Variants in CLIP2 observed in about 807,000 individuals in gnomAD.
CLIP2 encodes CAP-Gly domain containing linker protein 2.
CLIP2 carries 41 observed loss-of-function variants against 111.7 expected under a neutral mutation model. That is an observed-to-expected ratio of 0.37 (90% CI 0.29 to 0.48). CLIP2 has a LOEUF of 0.48. CLIP2 is among the 20% of genes least tolerant of loss of function. The probability of loss-of-function intolerance (pLI) is 0.99; values close to 1 mark genes in which losing one functional copy is unlikely to be tolerated. For missense variants in CLIP2, 1,160 were observed against 1,422.1 expected, an observed-to-expected ratio of 0.82 and a Z score of 2.96; for synonymous variants, 660 against 644.2, an observed-to-expected ratio of 1.02 and a Z score of -0.37.
chr7:74,329,845 T>C (rs927668568), intron 2 of CLIP2, among the ~76,000 whole-genome samples: 16 of 152,116 alleles, frequency 1.1e-4, no homozygotes, highest in African/African-American at 3.4e-4. Context: ...AATGGCACGA[T>C]CTCAGCTCAC....
At chr7:74,312,537 T>C (rs1331050604) in intron 1 of CLIP2, among the ~76,000 whole-genome samples, 2 of 152,180 alleles carry the variant, frequency 1.3e-5, no homozygotes, top group African/African-American at 4.8e-5. Flanking sequence ...TTTGCTGGCA[T>C]TGGAAATGCT....
chr7:74,336,039 G>T (rs1789444805), intron 2 of CLIP2, among the ~76,000 whole-genome samples: 1 of 150,950 alleles, frequency 6.6e-6, no homozygotes, highest in Non-Finnish European at 1.5e-5. Context: ...ACTGCGCCTG[G>T]CCTCTCTTCT....
At chr7:74,349,135 A>C (rs566304604) in intron 3 of CLIP2, among the ~76,000 whole-genome samples, 2 of 151,766 alleles carry the variant, frequency 1.3e-5, no homozygotes, top group African/African-American at 2.4e-5. Context: ...TTTGGCCACA[A>C]AACGAATGAA....
At chr7:74,337,327 T>A (rs782131312) in intron 2 of CLIP2, among the ~76,000 whole-genome samples, 3 of 152,066 alleles carry the variant, frequency 2.0e-5, no homozygotes, top group Non-Finnish European at 4.4e-5. Context: ...GGGACATCTT[T>A]ATGCAAGAAG....
At position 74,376,324 on chromosome 7, in the gene CLIP2, C is replaced by T. The variant is rs1554312827; in HGVS notation, c.1923C>T (p.Ala641=). ...LKATLNSGPG[A]QQKEIGELKA... ...CCACCCTGAACTCGGGCCCAGGCGCCCAGCAGAAGGAGATCGGCGAGCTGA... is the reference window on the plus strand; with the variant it reads ...CCACCCTGAACTCGGGCCCAGGCGCTCAGCAGAAGGAGATCGGCGAGCTGA... The change falls in exon 10 of 17, where the codon GCC becomes GCT. Residue 641 remains alanine, a synonymous_variant. Coordinates refer to ENST00000223398, the MANE Select transcript of CLIP2 (RefSeq NM_003388.5). The surrounding 1 kb of genome is among the most constrained non-coding windows in gnomAD (Gnocchi z 7.1). 1 of 1,613,722 alleles carries T rather than the reference C, an allele frequency of 6.2e-7. No homozygotes were observed.
chr7:74,319,467 C>G (rs1195844968), intron 2 of CLIP2, among the ~76,000 whole-genome samples: 1 of 152,036 alleles, frequency 6.6e-6, no homozygotes, highest in Non-Finnish European at 1.5e-5. Context: ...GAGCTCATGC[C>G]ACTGTACTCC....
intron 3 of CLIP2, among the ~76,000 whole-genome samples, chr7:74,343,433 CAGCAGGGA>C (rs1789716001): frequency 6.6e-6 from 1 of 152,086 alleles, no homozygotes; most frequent in African/African-American, 2.4e-5. Flanking sequence ...GGGGTGGGTA[CAGCAGGGA>C]AATCAGGCCC....
intron 1 of CLIP2, among the ~76,000 whole-genome samples, chr7:74,293,487 G>A (rs1292916428): frequency 1.3e-5 from 2 of 152,174 alleles, no homozygotes; most frequent in Non-Finnish European, 2.9e-5. Context: ...ATCTTGGGGT[G>A]CAGAGAGACA....
chr7:74,384,779 C>T (rs1240446262), intron 11 of CLIP2, among the ~76,000 whole-genome samples: 1 of 151,456 alleles, frequency 6.6e-6, no homozygotes, highest in Non-Finnish European at 1.5e-5. Context: ...TTTTGAGGAA[C>T]TGCCAAACTC....
chr7:74,340,172 A>G (rs1477590114), intron 3 of CLIP2, among the ~76,000 whole-genome samples: 1 of 152,086 alleles, frequency 6.6e-6, no homozygotes, highest in African/African-American at 2.4e-5. Context: ...AAGTCGGGCA[A>G]ATCATCTGAG....
intron 8 of CLIP2, among the ~76,000 whole-genome samples, chr7:74,366,836 A>C (rs1207065515): frequency 1.4e-5 from 2 of 142,074 alleles, no homozygotes; most frequent in Non-Finnish European, 3.0e-5. Context: ...CGATTGCGCC[A>C]CTGCGCTTCA....
intron 1 of CLIP2, among the ~76,000 whole-genome samples, chr7:74,289,962 G>T (rs1268682433): frequency 2.6e-5 from 4 of 152,188 alleles, no homozygotes; most frequent in African/African-American, 9.6e-5. Context: ...GCACTGCTTG[G>T]GGTGCCAGGG....
At chr7:74,345,872 A>G (rs1415999696) in intron 3 of CLIP2, among the ~76,000 whole-genome samples, 5 of 152,156 alleles carry the variant, frequency 3.3e-5, no homozygotes, top group Non-Finnish European at 4.4e-5. Flanking sequence ...GAGAGAGAGA[A>G]AGAGGAAGAA....
At chr7:74,341,529 C>T (rs1256939365) in intron 3 of CLIP2, among the ~76,000 whole-genome samples, 2 of 151,974 alleles carry the variant, frequency 1.3e-5, no homozygotes, top group Non-Finnish European at 2.9e-5. Flanking sequence ...AGTGCCTGCC[C>T]ACTGTTCACT....
At chr7:74,300,795 T>G (rs1788315748) in intron 1 of CLIP2, among the ~76,000 whole-genome samples, 1 of 152,192 alleles carries the variant, frequency 6.6e-6, no homozygotes, top group Non-Finnish European at 1.5e-5. Context: ...CATTCCGTGG[T>G]AGACATATAC....
At position 74,400,410 on chromosome 7, in the gene CLIP2, T is replaced by C. The variant is rs782588595; in HGVS notation, c.2921T>C (p.Leu974Pro). ...KSLSDQRRYS[L>P]IDRSSAPELL... ...CTGTCGGATCAGAGGCGCTACTCCC[T>C]CATCGACCGGTCCTCGGCGCCCGAG... The change falls in exon 15 of 17, where the codon CTC becomes CCC. Residue 974 changes from leucine (L) to proline (P), a missense_variant. Leu to Pro is a moderately conservative substitution (Grantham distance 98). This residue lies in a region of CLIP2 where 676 missense variants were observed against 777.8 expected (regional missense o/e 0.87). Transcript: ENST00000223398. The C allele has an allele frequency of 5.6e-6, 9 of 1,613,654 alleles. No individual in the cohort carries two copies. Among genetic ancestry groups the C allele is most frequent in the Non-Finnish European group, 7.6e-6 (9 of 1,179,748 alleles).
At chr7:74,305,855 A>ACCCCCCCCCCCCCCCCCCCCCCCCCCCCC (rs1478628381) in intron 1 of CLIP2, among the ~76,000 whole-genome samples, 2 of 52,302 alleles carry the variant, frequency 3.8e-5, no homozygotes, top group Admixed American at 2.1e-4. Context: ...CTGCACCCCA[A>ACCCCCCCCCCCCCCCCCCCCCCCCCCCCC]CCCCCCCCCA....
intron 3 of CLIP2, among the ~76,000 whole-genome samples, chr7:74,353,232 T>C (rs537234612): frequency 1.1e-4 from 17 of 151,372 alleles, no homozygotes; most frequent in African/African-American, 3.9e-4. Context: ...GTATATACAG[T>C]ACTTAATTCT....
chr7:74,357,152 A>G, intron 5 of CLIP2, 128 bp from the exon 6 acceptor site: 1 of 722,030 alleles, frequency 1.4e-6, no homozygotes, highest in Non-Finnish European at 2.4e-6. Flanking sequence ...GGGGAAGAGC[A>G]GGACCCTGGG....
Sources: gnomAD v4.1 joint callset for allele counts (sites outside exome capture counted in the v4.1 genomes callset) on GRCh38, gnomAD v4.1.1 for gene constraint, gnomAD v4.1.1 regional missense constraint, Gnocchi (gnomAD v3.1) non-coding constraint, MANE v1.5 for transcripts, NCBI Gene and HGNC (gene_info 2026-07-23, HGNC 2026-07-21) for gene names.